CYSLTR2: variants seen among roughly 807,000 people sequenced by gnomAD.
The protein encoded by CYSLTR2 is cysteinyl leukotriene receptor 2.
For missense variants in CYSLTR2, 398 were observed against 411.9 expected, an observed-to-expected ratio of 0.97 and a Z score of 0.29; for synonymous variants, 179 against 160.8, an observed-to-expected ratio of 1.11 and a Z score of -0.86.
At chr13:48,676,673 C>T (rs958361642) in intron 1 of CYSLTR2, among the ~76,000 whole-genome samples, 1 of 152,174 alleles carries the variant, frequency 6.6e-6, no homozygotes, top group Admixed American at 6.5e-5. Flanking sequence ...TAAATTCAGA[C>T]AGAGTTTGAG....
intron 1 of CYSLTR2, among the ~76,000 whole-genome samples, chr13:48,682,668 A>G (rs188522782): frequency 2.6e-5 from 4 of 152,310 alleles, no homozygotes; most frequent in Non-Finnish European, 2.9e-5. Context: ...TAAGAAATCA[A>G]CTTACACCCA....
At chr13:48,680,795 C>CTTTTTTTTTTTT (rs1268529678) in intron 1 of CYSLTR2, among the ~76,000 whole-genome samples, 7 of 110,614 alleles carry the variant, frequency 6.3e-5, no homozygotes, top group African/African-American at 2.5e-4. Flanking sequence ...CTTTTCTTTT[C>CTTTTTTTTTTTT]TTTTCTTTTT....
chr13:48,694,770 C>A (rs1391654927), intron 3 of CYSLTR2: 3 of 152,176 alleles, frequency 2.0e-5, no homozygotes, highest in Non-Finnish European at 4.4e-5. Context: ...TCCTGGGGAT[C>A]ACCTCTTCAG....
chr13:48,708,071 C>T lies in CYSLTR2; in HGVS notation c.*213C>T. The T allele has an allele frequency of 4.7e-6, 2 of 426,328 alleles. No individual in the cohort carries two copies. The highest frequency in any genetic ancestry group is 8.5e-6 in the Non-Finnish European group (2 of 234,486). 26.4% of individuals were successfully genotyped at this position (426,328 alleles called of 1,614,324 possible). ...AATGAGGGATACAGGAGGAAAAATC[C>T]CTACTAGAGTCCTGTGGGCTGAAAT... On this transcript the variant is annotated 3_prime_UTR_variant, in exon 5 of 5. Transcript: ENST00000682523.
At chr13:48,673,232 G>A (rs980920947) in intron 1 of CYSLTR2, among the ~76,000 whole-genome samples, 3 of 152,022 alleles carry the variant, frequency 2.0e-5, no homozygotes, top group African/African-American at 7.3e-5. Flanking sequence ...ATTATTGTGT[G>A]GGAGTCTAAG....
intron 3 of CYSLTR2, among the ~76,000 whole-genome samples, chr13:48,693,738 C>A (rs74074719): frequency 6.6e-6 from 1 of 151,216 alleles, no homozygotes; most frequent in Non-Finnish European, 1.5e-5. Context: ...AAGCCCCTGG[C>A]GATTTTATCA....
intron 1 of CYSLTR2, among the ~76,000 whole-genome samples, chr13:48,688,718 A>C (rs1223356672): frequency 6.6e-6 from 1 of 152,166 alleles, no homozygotes; most frequent in Non-Finnish European, 1.5e-5. Context: ...CAATAAACAT[A>C]CTTGTGAATG....
chr13:48,681,675 G>C (rs188992474), intron 1 of CYSLTR2, among the ~76,000 whole-genome samples: 1 of 152,144 alleles, frequency 6.6e-6, no homozygotes, highest in Admixed American at 6.5e-5. Flanking sequence ...CTTTGACAAG[G>C]AACTTACCCC....
chr13:48,667,380 T>C (rs770823977), intron 1 of CYSLTR2, among the ~76,000 whole-genome samples: 2 of 152,180 alleles, frequency 1.3e-5, no homozygotes, highest in African/African-American at 4.8e-5. Context: ...TCAGTCAGCC[T>C]GGGGGGTGGA....
At chr13:48,667,280 A>G (rs1393115019) in intron 1 of CYSLTR2, among the ~76,000 whole-genome samples, 1 of 152,212 alleles carries the variant, frequency 6.6e-6, no homozygotes, top group Non-Finnish European at 1.5e-5. Context: ...ATGTGTGTAC[A>G]CATGATGGGT....
chr13:48,700,169 T>C (rs1594018029), intron 4 of CYSLTR2, among the ~76,000 whole-genome samples: 1 of 152,218 alleles, frequency 6.6e-6, no homozygotes, highest in African/African-American at 2.4e-5. Context: ...ATTCATTTTA[T>C]GAGGCCAACA....
At position 48,702,245 on chromosome 13, in the gene CYSLTR2, C is replaced by T. The variant is rs1010246251; in HGVS notation, c.-1-4572C>T. Among the ~76,000 whole-genome samples, 4 of 124,524 alleles carry T rather than the reference C, an allele frequency of 3.2e-5. No homozygotes were observed. The Admixed American group carries it at 4.2e-4, about 13-fold the overall frequency. The allele number at this position is 124,524 out of a possible 152,430, so 81.7% of individuals were successfully genotyped here. A position where few individuals can be genotyped will look rare whatever the true frequency, so the allele number is the denominator to read the frequency against. ...TGGACACAGGGTGGGGAACATCACA[C>T]ACCGGCGTCTGTCATGGGGTGGGGG... is the stretch of plus-strand genomic sequence containing the variant. On this transcript the variant is annotated intron_variant, in intron 4 of 4. Coordinates refer to ENST00000682523, the MANE Select transcript of CYSLTR2 (RefSeq NM_001308476.3).
At chr13:48,700,208 C>CAAA (rs199594665) in intron 4 of CYSLTR2, among the ~76,000 whole-genome samples, 4,484 of 152,256 alleles carry the variant, frequency 0.029, 236 homozygotes, top group African/African-American at 0.1. Flanking sequence ...CTGGCAGAGA[C>CAAA]ACAACAACAA....
At chr13:48,656,653 A>G (rs1953005415) in intron 1 of CYSLTR2, among the ~76,000 whole-genome samples, 1 of 152,240 alleles carries the variant, frequency 6.6e-6, no homozygotes, top group Admixed American at 6.5e-5. Flanking sequence ...TGCTGTGTAC[A>G]TGAGTACATG....
chr13:48,703,342 T>G (rs1954398965), intron 4 of CYSLTR2, among the ~76,000 whole-genome samples: 1 of 152,178 alleles, frequency 6.6e-6, no homozygotes, highest in Admixed American at 6.5e-5. Context: ...TGGTTAGAAC[T>G]TATAGCACTA....
At chr13:48,700,040 C>G (rs549238830) in intron 4 of CYSLTR2, among the ~76,000 whole-genome samples, 3 of 151,908 alleles carry the variant, frequency 2.0e-5, no homozygotes, top group Non-Finnish European at 4.4e-5. Flanking sequence ...TCCTACCAAC[C>G]AAAAAAAGTC....
In CYSLTR2 at chr13:48,708,049, G is replaced by T; in HGVS notation, c.*191G>T. The T allele has an allele frequency of 4.1e-6, 2 of 487,376 alleles. No homozygotes were observed. The highest frequency in any genetic ancestry group is 7.2e-6 in the Non-Finnish European group (2 of 278,716). 30.2% of individuals were successfully genotyped at this position (487,376 alleles called of 1,614,324 possible). On this transcript the variant is annotated 3_prime_UTR_variant, in exon 5 of 5. Transcript: ENST00000682523. ...GTATTTTCAGTTGTTGAGTCTTAATGAGGGATACAGGAGGAAAAATCCCTA... is the reference window on the plus strand; with the variant it reads ...GTATTTTCAGTTGTTGAGTCTTAATTAGGGATACAGGAGGAAAAATCCCTA...
intron 1 of CYSLTR2, among the ~76,000 whole-genome samples, chr13:48,678,136 G>T (rs1291054847): frequency 6.6e-6 from 1 of 152,110 alleles, no homozygotes; most frequent in Non-Finnish European, 1.5e-5. Context: ...AGTAGATGAG[G>T]ACAGTTTGGT....
chr13:48,698,064 C>T (rs573338271), intron 4 of CYSLTR2, among the ~76,000 whole-genome samples: 4 of 152,222 alleles, frequency 2.6e-5, no homozygotes, highest in East Asian at 1.9e-4. Flanking sequence ...CTGCAAGTGA[C>T]GGGGAGAATG....
Sources: allele counts gnomAD v4.1 joint callset (sites outside exome capture counted in the v4.1 genomes callset), GRCh38; gene constraint gnomAD v4.1.1; transcripts MANE v1.5; gene names NCBI Gene and HGNC (gene_info 2026-07-23, HGNC 2026-07-21).